The following C10orf53 variants were observed in gnomAD, a reference collection of about 807,000 sequenced individuals.
C10orf53 encodes the protein chromosome 10 open reading frame 53, also known as UPF0728 protein C10orf53.
C10orf53 carries 8 observed loss-of-function variants against 9.4 expected under a neutral mutation model. That is an observed-to-expected ratio of 0.85 (90% CI 0.50 to 1.53). The LOEUF is 1.53. Among genes scored for constraint, C10orf53 ranks in the 40% most tolerant of loss-of-function variants. The pLI is 0.00. For missense variants in C10orf53, 117 were observed against 117.8 expected (o/e 0.99, Z 0.03); for synonymous variants, 48 against 46.0 (o/e 1.04, Z -0.18).
chr10:49,698,512 C>T (rs1186286329), downstream of C10orf53, among the ~76,000 whole-genome samples: 2 of 152,158 alleles, frequency 1.3e-5, no homozygotes, highest in African/African-American at 2.4e-5. Flanking sequence ...ATCCCCAGCC[C>T]TGCAAGCATT....
At chr10:49,683,896 T>TA (rs895634838) in intron 1 of C10orf53, among the ~76,000 whole-genome samples, 6 of 151,962 alleles carry the variant, frequency 3.9e-5, no homozygotes, top group Non-Finnish European at 7.4e-5. Flanking sequence ...AGACTCTGTC[T>TA]AAAAAAAAGA....
At chr10:49,707,323 C>T (rs1840729892) in intron 2 of C10orf53, among the ~76,000 whole-genome samples, 2 of 152,196 alleles carry the variant, frequency 1.3e-5, no homozygotes, top group South Asian at 4.1e-4. Context: ...ACAGGATGGA[C>T]CCCAATGTTA....
downstream of C10orf53, among the ~76,000 whole-genome samples, chr10:49,701,504 TA>T (rs1840682760): frequency 6.6e-6 from 1 of 152,222 alleles, no homozygotes; most frequent in Non-Finnish European, 1.5e-5. Context: ...TCATACGTTT[TA>T]AGTCTGACCA....
chr10:49,699,919 G>A (rs916185413), downstream of C10orf53, among the ~76,000 whole-genome samples: 7 of 152,066 alleles, frequency 4.6e-5, no homozygotes, highest in African/African-American at 7.2e-5. Context: ...GGTTGCCTGA[G>A]GGGAAGAGCC....
intron 1 of C10orf53, among the ~76,000 whole-genome samples, chr10:49,681,619 G>A (rs1211535122): frequency 6.6e-6 from 1 of 152,196 alleles, no homozygotes; most frequent in Non-Finnish European, 1.5e-5. Flanking sequence ...TATTTTTTCA[G>A]TCTAAAGGCT....
At chr10:49,709,801 G>A (rs1033723178) in exon 3 of C10orf53, 1 of 152,408 alleles carries the variant, frequency 6.6e-6, no homozygotes, top group Non-Finnish European at 1.5e-5. Flanking sequence ...TCTCCACCTG[G>A]TAAATGCTGC....
At chr10:49,704,961 A>C (rs1268724) in intron 2 of C10orf53, among the ~76,000 whole-genome samples, 129,028 of 152,198 alleles carry the variant, frequency 0.85, 56,107 homozygotes, top group East Asian at 0.97. Flanking sequence ...ATCTATTCAA[A>C]AAATTTATGT....
chr10:49,689,921 A>C (rs779443089), intron 1 of C10orf53, among the ~76,000 whole-genome samples: 1 of 152,246 alleles, frequency 6.6e-6, no homozygotes, highest in African/African-American at 2.4e-5. Context: ...ATCAAAAAAC[A>C]TATTTGTTTT....
At chr10:49,702,243 G>GGGAA (rs1307927746), downstream of C10orf53, among the ~76,000 whole-genome samples, 2 of 150,434 alleles carry the variant, frequency 1.3e-5, no homozygotes, top group Non-Finnish European at 3.0e-5. Flanking sequence ...GAGGGAGGGA[G>GGGAA]GGAGGGAGGG....
intron 1 of C10orf53, among the ~76,000 whole-genome samples, chr10:49,685,069 C>G (rs1840514642): frequency 1.3e-5 from 2 of 152,098 alleles, no homozygotes. Flanking sequence ...TGTAGCCTAG[C>G]CTGTGAACCA....
intron 2 of C10orf53, 183 bp from the exon 3 acceptor site, chr10:49,694,355 G>C (rs73303363): frequency 6.1e-6 from 5 of 818,052 alleles, no homozygotes; most frequent in Non-Finnish European, 9.4e-6. Flanking sequence ...GGCACTGTGC[G>C]TGCCTCTCTG....
chr10:49,689,978 G>A (rs1424915393), intron 1 of C10orf53, among the ~76,000 whole-genome samples: 1 of 152,234 alleles, frequency 6.6e-6, no homozygotes, highest in Non-Finnish European at 1.5e-5. Flanking sequence ...GTGGGTCCGA[G>A]AGGGATGGGG....
chr10:49,705,296 G>A (rs1431626782), intron 2 of C10orf53, among the ~76,000 whole-genome samples: 3 of 152,178 alleles, frequency 2.0e-5, no homozygotes, highest in African/African-American at 7.2e-5. Context: ...GGGTGGCAGA[G>A]GGACAGCAAT....
Position 49,695,005 on chromosome 10 carries a change from TG to T in C10orf53, c.*408del, listed in dbSNP as rs2132884059. 2 of 947,470 alleles carry T rather than the reference TG, an allele frequency of 2.1e-6. No individual in the cohort carries two copies. Among genetic ancestry groups the T allele is most frequent in the African/African-American group, 3.5e-5 (2 of 56,624 alleles). 58.7% of individuals were successfully genotyped at this position (947,470 alleles called of 1,614,324 possible). ...AGAACAGGTGAAATTAAAGAGAGGT[TG>T]GGGGAAGAGTGGGAATAAAGGCTTT... On this transcript the variant is annotated 3_prime_UTR_variant, in exon 3 of 3. Transcript: ENST00000374111.
At chr10:49,681,225 A>C (rs1840476432) in intron 1 of C10orf53, among the ~76,000 whole-genome samples, 1 of 152,218 alleles carries the variant, frequency 6.6e-6, no homozygotes, top group African/African-American at 2.4e-5. Flanking sequence ...TCTGGAGTTC[A>C]GAGAAAAAGT....
At chr10:49,679,871 C>A in intron 1 of C10orf53, 77 bp downstream of exon 1, 1 of 1,314,872 alleles carries the variant, frequency 7.6e-7, no homozygotes, top group Non-Finnish European at 1.0e-6. Flanking sequence ...TGTGCCTAGG[C>A]CTTCCTCAGA....
chr10:49,679,742 C>G lies in C10orf53; in HGVS notation c.45C>G (p.Ser15Arg). The stretch of plus-strand genomic sequence containing the variant: ...TCATCCTGCGCTATGGGCCCTACAG[C>G]GCGGCAGGCCTACCGGTGGAGCACC... ...AVVILRYGPY[S>R]AAGLPVEHHT... The change falls in exon 1 of 3, where the codon AGC (serine) becomes AGG (arginine). Residue 15 changes from serine (S) to arginine (R), a missense_variant. Ser to Arg is a moderately radical substitution (Grantham distance 110). Coordinates refer to ENST00000374111, the MANE Select transcript of C10orf53 (RefSeq NM_001042427.3). 6.5e-7 allele frequency: 1 copy of G among 1,547,226 alleles called. No individual in the cohort carries two copies. The highest frequency in any genetic ancestry group is 8.7e-7 in the Non-Finnish European group (1 of 1,145,820).
rs1840635292 is a variant in C10orf53 at position 49,696,414 on chromosome 10, T to A, written c.*1812T>A. ...GTGGGAACTTCATCTCCAAACACAG[T>A]GGAATCCTGTCTCCTCTAGCCCTGC... On this transcript the variant is annotated 3_prime_UTR_variant, in exon 3 of 3. Transcript: ENST00000374111. Among the ~76,000 whole-genome samples, 1 of 152,194 alleles carries A rather than the reference T, an allele frequency of 6.6e-6. No homozygotes were observed. Among genetic ancestry groups the A allele is most frequent in the Non-Finnish European group, 1.5e-5 (1 of 68,028 alleles).
Position 49,696,599 on chromosome 10 carries a change from G to A in C10orf53, c.*1997G>A, listed in dbSNP as rs1840637137. Among the ~76,000 whole-genome samples, 1 of 152,200 alleles carries A rather than the reference G, an allele frequency of 6.6e-6. No individual in the cohort carries two copies. The highest frequency in any genetic ancestry group is 2.1e-4 in the South Asian group (1 of 4,828). On this transcript the variant is annotated 3_prime_UTR_variant, in exon 3 of 3. Coordinates refer to ENST00000374111, the MANE Select transcript of C10orf53 (RefSeq NM_001042427.3). Reference sequence around the variant, plus strand: ...GCTTCATGACCAGAGCTGAAGGGCAGGTAAGGCGAGACAGTACACGGATTC... The same window carrying A: ...GCTTCATGACCAGAGCTGAAGGGCAAGTAAGGCGAGACAGTACACGGATTC...
Sources: gnomAD v4.1 joint callset for allele counts (sites outside exome capture counted in the v4.1 genomes callset) on GRCh38, gnomAD v4.1.1 for gene constraint, MANE v1.5 for transcripts, NCBI Gene and HGNC (gene_info 2026-07-23, HGNC 2026-07-21) for gene names.